The following PBX1 variants were observed in gnomAD, a reference collection of about 807,000 sequenced individuals.
PBX1 encodes PBX homeobox 1.
PBX1 carries 6 observed loss-of-function variants against 53.4 expected under a neutral mutation model. The ratio of observed to expected loss-of-function variants is 0.11; its 90% CI spans 0.06 to 0.22. The LOEUF (loss-of-function observed/expected upper bound fraction) is 0.22. PBX1 is among the 10% of genes least tolerant of loss of function. The probability of loss-of-function intolerance (pLI) is 1.00; values close to 1 mark genes in which losing one functional copy is unlikely to be tolerated. For synonymous variants in PBX1, 204 were observed against 212.3 expected, an observed-to-expected ratio of 0.96 and a Z score of 0.34; for missense variants, 251 against 551.4, an observed-to-expected ratio of 0.46 and a Z score of 5.46.
intron 2 of PBX1, among the ~76,000 whole-genome samples, chr1:164,754,674 C>T (rs776411912): frequency 1.3e-5 from 2 of 151,910 alleles, no homozygotes; most frequent in Admixed American, 6.6e-5. Context: ...TGTGTACGTG[C>T]GTGCACGTGC....
intron 2 of PBX1, chr1:164,590,235 A>T (rs1174498705): frequency 2.5e-6 from 1 of 398,990 alleles, no homozygotes; most frequent in Non-Finnish European, 4.9e-6. Context: ...GCTGGGGGTC[A>T]GGGAGCAGAT....
intron 2 of PBX1, among the ~76,000 whole-genome samples, chr1:164,756,636 A>G (rs1666540290): frequency 6.6e-6 from 1 of 152,222 alleles, no homozygotes; most frequent in African/African-American, 2.4e-5. Flanking sequence ...TACCAAAACC[A>G]TAAAATCTAC....
At chr1:164,785,001 G>A (rs1035147962) in intron 2 of PBX1, among the ~76,000 whole-genome samples, 1 of 152,150 alleles carries the variant, frequency 6.6e-6, no homozygotes, top group African/African-American at 2.4e-5. Flanking sequence ...GTGTCTCTGA[G>A]ATTCTAGAGG....
chr1:164,861,076 AT>A (rs970552559), intron 2 of PBX1, among the ~76,000 whole-genome samples: 56 of 151,280 alleles, frequency 3.7e-4, no homozygotes, highest in African/African-American at 1.3e-3. Context: ...GGAGGAAAAG[AT>A]TTTAAAGGAG....
chr1:164,884,093 A>G (rs1411726663), intron 2 of PBX1, among the ~76,000 whole-genome samples: 1 of 152,202 alleles, frequency 6.6e-6, no homozygotes, highest in Non-Finnish European at 1.5e-5. Flanking sequence ...GTCATTTAAT[A>G]TTACTAGGAT....
intron 3 of PBX1, among the ~76,000 whole-genome samples, chr1:164,793,095 G>A (rs1558011162): frequency 6.6e-6 from 1 of 152,192 alleles, no homozygotes; most frequent in African/African-American, 2.4e-5. Context: ...TAGGTGATCA[G>A]CAGAGTCACC....
At chr1:164,744,230 G>C (rs570924239) in intron 2 of PBX1, among the ~76,000 whole-genome samples, 1 of 152,290 alleles carries the variant, frequency 6.6e-6, no homozygotes, top group South Asian at 2.1e-4. Flanking sequence ...TCTGACTCAA[G>C]AGGGGATTAT....
At chr1:164,624,370 A>G (rs958155354) in intron 2 of PBX1, among the ~76,000 whole-genome samples, 5 of 152,210 alleles carry the variant, frequency 3.3e-5, no homozygotes, top group African/African-American at 9.7e-5. Flanking sequence ...CAACATTTTG[A>G]TAGTATTGGT....
chr1:164,764,898 A>T (rs1666987890), intron 2 of PBX1, among the ~76,000 whole-genome samples: 1 of 152,222 alleles, frequency 6.6e-6, no homozygotes, highest in Non-Finnish European at 1.5e-5. Flanking sequence ...ACTTCCAAAG[A>T]TAATATTCTT....
chr1:164,703,899 A>G (rs539889832), intron 2 of PBX1, among the ~76,000 whole-genome samples: 11 of 152,208 alleles, frequency 7.2e-5, no homozygotes, highest in African/African-American at 2.6e-4. Flanking sequence ...CTTCCCTACA[A>G]ATCTCTTTTT....
intron 2 of PBX1, chr1:164,639,793 G>A (rs987857662): frequency 6.6e-6 from 1 of 152,204 alleles, no homozygotes; most frequent in African/African-American, 2.4e-5. Context: ...CTCCCTGTTA[G>A]CTGGGACTAT....
chr1:164,868,857 G>T (rs935078082), intron 2 of PBX1, among the ~76,000 whole-genome samples: 5 of 152,106 alleles, frequency 3.3e-5, no homozygotes, highest in African/African-American at 1.2e-4. Flanking sequence ...CTCTGGGATG[G>T]CGAGACATTT....
intron 3 of PBX1, among the ~76,000 whole-genome samples, chr1:164,795,323 G>A (rs887178047): frequency 2.6e-5 from 4 of 152,174 alleles, no homozygotes; most frequent in Admixed American, 6.5e-5. Context: ...GATGTCTTTC[G>A]ACAATGGGGT....
intron 2 of PBX1, among the ~76,000 whole-genome samples, chr1:164,685,647 G>A (rs1419337699): frequency 6.6e-6 from 1 of 152,174 alleles, no homozygotes; most frequent in Non-Finnish European, 1.5e-5. Context: ...AACAGTGTTA[G>A]GACTTTTATA....
chr1:164,882,958 T>G (rs1475807931), intron 2 of PBX1, among the ~76,000 whole-genome samples: 3 of 152,176 alleles, frequency 2.0e-5, no homozygotes, highest in East Asian at 1.9e-4. Flanking sequence ...TTCCTCAAGC[T>G]CTAGCATTCT....
intron 2 of PBX1, among the ~76,000 whole-genome samples, chr1:164,786,635 T>C (rs1210261715): frequency 6.6e-6 from 1 of 151,930 alleles, no homozygotes; most frequent in Non-Finnish European, 1.5e-5. Context: ...ATCTGATTGT[T>C]TTCTTCTTGG....
chr1:164,569,998 A>G (rs1653734912), intron 2 of PBX1, among the ~76,000 whole-genome samples: 1 of 152,232 alleles, frequency 6.6e-6, no homozygotes, highest in Non-Finnish European at 1.5e-5. Flanking sequence ...CTTTTAAACT[A>G]CAAACTGGAC....
intron 2 of PBX1, chr1:164,684,148 T>C (rs1162643303): frequency 2.0e-5 from 3 of 152,210 alleles, no homozygotes; most frequent in African/African-American, 7.2e-5. Context: ...CTTTCCTGTT[T>C]ATGTACAGAA....
chr1:164,820,913 TC>T (rs1223788747), intron 7 of PBX1, among the ~76,000 whole-genome samples: 2 of 152,142 alleles, frequency 1.3e-5, no homozygotes, highest in African/African-American at 2.4e-5. Flanking sequence ...TTTCCCACCC[TC>T]CATGTGGAAC....
Sources: gnomAD v4.1 joint callset for allele counts (sites outside exome capture counted in the v4.1 genomes callset) on GRCh38, gnomAD v4.1.1 for gene constraint, MANE v1.5 for transcripts, NCBI Gene and HGNC (gene_info 2026-07-23, HGNC 2026-07-21) for gene names.